Variants in SMIM41 observed in about 807,000 individuals in gnomAD.
SMIM41 encodes the protein small integral membrane protein 41.
intron 2 of SMIM41, chr12:52,092,194 A>C (rs1940018064): frequency 6.6e-6 from 1 of 152,254 alleles, no homozygotes; most frequent in Non-Finnish European, 1.5e-5. Context: ...CTGGTTCCCA[A>C]TTTTGAATGT....
intron 1 of SMIM41, 36 bp downstream of exon 1, chr12:52,080,217 G>A: frequency 3.5e-6 from 1 of 284,490 alleles, no homozygotes. Context: ...GGGCGCGGGG[G>A]TTCGGGGGGC....
At chr12:52,090,540 A>AGCTGCG (rs1939982083) in intron 2 of SMIM41, among the ~76,000 whole-genome samples, 1 of 152,282 alleles carries the variant, frequency 6.6e-6, no homozygotes, top group Admixed American at 6.5e-5. Flanking sequence ...AGGCCCAGGG[A>AGCTGCG]GCTGCGGCTG....
At chr12:52,089,303 C>A (rs1236658183) in intron 2 of SMIM41, among the ~76,000 whole-genome samples, 1 of 151,950 alleles carries the variant, frequency 6.6e-6, no homozygotes, top group Non-Finnish European at 1.5e-5. Flanking sequence ...CCCTCTGAAA[C>A]CTGTAGGGGG....
At chr12:52,096,915 G>T (rs988268427) in intron 2 of SMIM41, among the ~76,000 whole-genome samples, 1 of 152,066 alleles carries the variant, frequency 6.6e-6, no homozygotes, top group African/African-American at 2.4e-5. Flanking sequence ...CGCACTGGGT[G>T]TACATCCCTT....
chr12:52,083,350 T>A (rs978576511), intron 1 of SMIM41, among the ~76,000 whole-genome samples: 2 of 152,224 alleles, frequency 1.3e-5, no homozygotes, highest in Middle Eastern at 3.2e-3. Flanking sequence ...TTATTAAATA[T>A]GCTGGTGATG....
intron 2 of SMIM41, 160 bp from the exon 3 acceptor site, chr12:52,107,219 G>T: frequency 2.7e-6 from 1 of 366,934 alleles, no homozygotes; most frequent in South Asian, 2.1e-5. Context: ...TCTGGAATCT[G>T]AAAACATTAC....
rs145572097 is a variant in SMIM41, at chr12:52,099,722, G to A, written c.*196-7657G>A. On this transcript the variant is annotated intron_variant, in intron 2 of 2. Coordinates refer to ENST00000546390, the MANE Select transcript of SMIM41 (RefSeq NM_001369216.1). ...GATTCTTTGCCCACCTGGATATTAG[G>A]AACAACATCATGGCGTGGGGGTCGT... Among the ~76,000 whole-genome samples the A allele has an allele frequency of 6.4e-3, 976 of 152,070 alleles. 6 individuals are homozygous for A. The highest frequency in any genetic ancestry group is 7.6e-3 in the Non-Finnish European group (518 of 67,974).
chr12:52,108,189 C>A lies in SMIM41; in HGVS notation c.*1006C>A. On this transcript the variant is annotated 3_prime_UTR_variant, in exon 3 of 3. Coordinates refer to ENST00000546390, the MANE Select transcript of SMIM41 (RefSeq NM_001369216.1). ...GATGTACACGGTGGTCACCTCCATG[C>A]TCAACCCCTTTATCTACAGCCTGGG... The A allele has an allele frequency of 4.9e-6, 1 of 205,546 alleles. No homozygotes were observed. The highest frequency in any genetic ancestry group is 4.9e-5 in the Admixed American group (1 of 20,274). The allele number at this position is 205,546 out of a possible 1,614,324, so 12.7% of individuals were successfully genotyped here.
intron 2 of SMIM41, among the ~76,000 whole-genome samples, chr12:52,090,597 G>A (rs1379863473): frequency 6.6e-6 from 1 of 152,196 alleles, no homozygotes; most frequent in African/African-American, 2.4e-5. Flanking sequence ...GAGGCTGCAG[G>A]TGAAGTGGGT....
chr12:52,096,211 A>ACTT (rs1940090664), intron 2 of SMIM41, among the ~76,000 whole-genome samples: 1 of 151,302 alleles, frequency 6.6e-6, no homozygotes, highest in South Asian at 2.1e-4. Flanking sequence ...AATACCACAG[A>ACTT]AGGGGTGTAC....
intron 2 of SMIM41, among the ~76,000 whole-genome samples, chr12:52,091,505 C>T (rs114499407): frequency 0.015 from 2,268 of 152,266 alleles, 54 homozygotes; most frequent in African/African-American, 0.051. Flanking sequence ...CTTCTTGGAC[C>T]GGTTTGCATG....
At chr12:52,097,720 G>C (rs535487654) in intron 2 of SMIM41, among the ~76,000 whole-genome samples, 1 of 152,012 alleles carries the variant, frequency 6.6e-6, no homozygotes, top group South Asian at 2.1e-4. Flanking sequence ...TATGATACTT[G>C]CCGTCCATAT....
intron 2 of SMIM41, among the ~76,000 whole-genome samples, chr12:52,089,941 T>TG (rs1230907579): frequency 2.0e-5 from 3 of 152,124 alleles, no homozygotes; most frequent in South Asian, 2.1e-4. Context: ...ACGTCTTTTT[T>TG]GGGGGGGACA....
chr12:52,107,131 A>C, intron 2 of SMIM41: 1 of 337,540 alleles, frequency 3.0e-6, no homozygotes, highest in South Asian at 2.4e-5. Context: ...AGAACTGAAT[A>C]ACACAGAATC....
At chr12:52,086,627 T>C (rs1296393956) in intron 2 of SMIM41, among the ~76,000 whole-genome samples, 4 of 152,126 alleles carry the variant, frequency 2.6e-5, no homozygotes, top group Non-Finnish European at 5.9e-5. Flanking sequence ...CGCCCACGGC[T>C]CCTCTGGGTG....
chr12:52,098,408 C>T lies in SMIM41; in HGVS notation c.*196-8971C>T, dbSNP rs190208606. Among the ~76,000 whole-genome samples the T allele has an allele frequency of 2.4e-3, 364 of 152,044 alleles. 1 individual carries two copies. Among genetic ancestry groups the T allele is most frequent in the African/African-American group, 8.2e-3 (340 of 41,438 alleles). Reference sequence around the variant, plus strand: ...ATATTGGAAGTAATATGATTTTCTCCCCCCTGGATATTAGAAACAATATCA... The same window carrying T: ...ATATTGGAAGTAATATGATTTTCTCTCCCCTGGATATTAGAAACAATATCA... On this transcript the variant is annotated intron_variant, in intron 2 of 2. Transcript: ENST00000546390.
chr12:52,090,641 G>A (rs1939984202), intron 2 of SMIM41, among the ~76,000 whole-genome samples: 1 of 152,180 alleles, frequency 6.6e-6, no homozygotes, highest in Non-Finnish European at 1.5e-5. Context: ...GACTTGTCTT[G>A]CACATTTTCT....
At chr12:52,098,149 T>C (rs550255019) in intron 2 of SMIM41, among the ~76,000 whole-genome samples, 1 of 152,206 alleles carries the variant, frequency 6.6e-6, no homozygotes, top group East Asian at 1.9e-4. Flanking sequence ...GATGTACAAC[T>C]TCTGAGATAT....
At position 52,108,193 on chromosome 12, in the gene SMIM41, A is replaced by T; in HGVS notation, c.*1010A>T. The T allele has an allele frequency of 5.0e-6, 1 of 198,258 alleles. No individual in the cohort carries two copies. Among genetic ancestry groups the T allele is most frequent in the South Asian group, 1.1e-4 (1 of 8,800 alleles). 12.3% of individuals were successfully genotyped at this position (198,258 alleles called of 1,614,324 possible). A position where few individuals can be genotyped will look rare whatever the true frequency, so the allele number is the denominator to read the frequency against. On this transcript the variant is annotated 3_prime_UTR_variant, in exon 3 of 3. Coordinates refer to ENST00000546390, the MANE Select transcript of SMIM41 (RefSeq NM_001369216.1). The stretch of plus-strand genomic sequence containing the variant: ...TACACGGTGGTCACCTCCATGCTCA[A>T]CCCCTTTATCTACAGCCTGGGAAAC...
Sources: allele counts gnomAD v4.1 joint callset (sites outside exome capture counted in the v4.1 genomes callset), GRCh38; gene constraint gnomAD v4.1.1; transcripts MANE v1.5; gene names NCBI Gene and HGNC (gene_info 2026-07-23, HGNC 2026-07-21).